Variants in CNTNAP2 observed in about 807,000 individuals in gnomAD.
The protein encoded by CNTNAP2 is contactin associated protein 2.
In CNTNAP2, 98 loss-of-function variants were observed where a neutral mutation model predicts 155.2. The observed-to-expected ratio is 0.63, with a 90% CI of 0.54 to 0.75. The LOEUF is 0.75. Among genes scored for constraint, CNTNAP2 ranks in the 30% least tolerant of loss-of-function variants. The probability of loss-of-function intolerance (pLI) is 0.00; values close to 1 mark genes in which losing one functional copy is unlikely to be tolerated. For synonymous variants in CNTNAP2, 651 were observed against 631.2 expected (o/e 1.03, Z -0.47); for missense variants, 1,727 against 1,688.1 (o/e 1.02, Z -0.40).
chr7:146,600,529 A>G (rs1227124057), intron 1 of CNTNAP2, among the ~76,000 whole-genome samples: 1 of 152,122 alleles, frequency 6.6e-6, no homozygotes, highest in Non-Finnish European at 1.5e-5. Flanking sequence ...GGTGAGGTGG[A>G]AAGAGTTACT....
intron 13 of CNTNAP2, among the ~76,000 whole-genome samples, chr7:147,883,903 A>G (rs4397315): frequency 0.19 from 28,771 of 152,156 alleles, 3,184 homozygotes; most frequent in Middle Eastern, 0.32. Flanking sequence ...CTACTGGATC[A>G]TAAACTCTAG....
intron 9 of CNTNAP2, among the ~76,000 whole-genome samples, chr7:147,365,421 T>C (rs1053388941): frequency 1.4e-5 from 2 of 147,326 alleles, no homozygotes; most frequent in Non-Finnish European, 3.0e-5. Flanking sequence ...AAGAAACTTA[T>C]ATGAATAGAA....
intron 3 of CNTNAP2, among the ~76,000 whole-genome samples, chr7:147,019,756 A>T (rs1426761924): frequency 6.6e-6 from 1 of 152,140 alleles, no homozygotes; most frequent in Non-Finnish European, 1.5e-5. Context: ...GAATCTTTAC[A>T]GTACAAAGCA....
chr7:146,427,523 C>T (rs1306317498), intron 1 of CNTNAP2, among the ~76,000 whole-genome samples: 3 of 152,118 alleles, frequency 2.0e-5, no homozygotes, highest in African/African-American at 7.2e-5. Flanking sequence ...AAAAAGCATT[C>T]TGAGCTTAAG....
chr7:147,896,398 C>T (rs1799777125), intron 13 of CNTNAP2, among the ~76,000 whole-genome samples: 2 of 152,112 alleles, frequency 1.3e-5, no homozygotes, highest in Admixed American at 6.5e-5. Flanking sequence ...AGGGGAGTTG[C>T]AATAGAGAGA....
chr7:147,000,733 G>C (rs190888008), intron 3 of CNTNAP2, among the ~76,000 whole-genome samples: 2 of 152,076 alleles, frequency 1.3e-5, no homozygotes, highest in Non-Finnish European at 2.9e-5. Context: ...TAATTAGTGC[G>C]GTGCTAGGGT....
At chr7:147,121,260 CT>C in intron 6 of CNTNAP2, 97 bp downstream of exon 6, 6 of 1,200,254 alleles carry the variant, frequency 5.0e-6, no homozygotes, top group South Asian at 1.4e-5. Flanking sequence ...CTACTTACAC[CT>C]TTTTTATTTT....
At chr7:147,583,928 T>A (rs989239224) in intron 12 of CNTNAP2, among the ~76,000 whole-genome samples, 1 of 152,122 alleles carries the variant, frequency 6.6e-6, no homozygotes, top group African/African-American at 2.4e-5. Context: ...CCTGTGGACA[T>A]GTGGCACTTG....
intron 15 of CNTNAP2, among the ~76,000 whole-genome samples, chr7:147,997,595 G>A (rs1465344562): frequency 2.0e-5 from 3 of 151,954 alleles, no homozygotes; most frequent in Non-Finnish European, 4.4e-5. Flanking sequence ...GACGCACAGT[G>A]AAGCGGGTGC....
At chr7:147,317,527 A>G (rs1795253592) in intron 9 of CNTNAP2, among the ~76,000 whole-genome samples, 1 of 152,176 alleles carries the variant, frequency 6.6e-6, no homozygotes, top group South Asian at 2.1e-4. Flanking sequence ...GGGATCCTAC[A>G]CATTCTACTA....
At chr7:146,831,355 G>A (rs150495108) in intron 2 of CNTNAP2, among the ~76,000 whole-genome samples, 212 of 152,170 alleles carry the variant, frequency 1.4e-3, no homozygotes, top group African/African-American at 4.6e-3. Flanking sequence ...AGTCCTTGGG[G>A]TTATAATCTG....
At chr7:146,900,047 A>G (rs1016402873) in intron 3 of CNTNAP2, among the ~76,000 whole-genome samples, 5 of 152,124 alleles carry the variant, frequency 3.3e-5, no homozygotes, top group African/African-American at 1.2e-4. Context: ...GTATTTACTC[A>G]TTTTTCACCA....
chr7:147,127,687 G>A (rs1052983981), intron 6 of CNTNAP2, among the ~76,000 whole-genome samples: 2 of 151,992 alleles, frequency 1.3e-5, no homozygotes, highest in African/African-American at 4.8e-5. Flanking sequence ...AGGATATTAG[G>A]CTGTCATTGA....
intron 1 of CNTNAP2, among the ~76,000 whole-genome samples, chr7:146,419,029 T>C (rs1795974723): frequency 6.6e-6 from 1 of 152,142 alleles, no homozygotes; most frequent in Non-Finnish European, 1.5e-5. Context: ...TTCACACTGC[T>C]GATAAAGTCA....
chr7:146,960,645 A>G (rs893136347), intron 3 of CNTNAP2, among the ~76,000 whole-genome samples: 11 of 152,390 alleles, frequency 7.2e-5, no homozygotes, highest in East Asian at 1.9e-4. Flanking sequence ...AAGAATTACA[A>G]TGAAAATATT....
intron 3 of CNTNAP2, among the ~76,000 whole-genome samples, chr7:146,993,717 C>A (rs1798252634): frequency 6.6e-6 from 1 of 152,042 alleles, no homozygotes; most frequent in African/African-American, 2.4e-5. Context: ...TCCCCAAATT[C>A]ATGAAGTTGT....
At chr7:146,133,096 A>G (rs1464386582) in intron 1 of CNTNAP2, among the ~76,000 whole-genome samples, 1 of 148,990 alleles carries the variant, frequency 6.7e-6, no homozygotes, top group African/African-American at 2.6e-5. Flanking sequence ...CTTTTTAATG[A>G]TTGCCATTCT....
At chr7:148,062,026 A>T (rs7385503) in intron 15 of CNTNAP2, among the ~76,000 whole-genome samples, 1,346 of 131,962 alleles carry the variant, frequency 0.01, 40 homozygotes, top group African/African-American at 0.022. Flanking sequence ...AGAGAGAGAG[A>T]GAGTGTGTGT....
chr7:146,512,587 A>G (rs539338159), intron 1 of CNTNAP2, among the ~76,000 whole-genome samples: 6 of 151,074 alleles, frequency 4.0e-5, no homozygotes, highest in Admixed American at 1.3e-4. Flanking sequence ...ATATATTCGT[A>G]GAGTTTCCAA....
Sources: allele counts gnomAD v4.1 joint callset (sites outside exome capture counted in the v4.1 genomes callset), GRCh38; gene constraint gnomAD v4.1.1; transcripts MANE v1.5; gene names NCBI Gene and HGNC (gene_info 2026-07-23, HGNC 2026-07-21).